The following SCAI variants were observed in gnomAD, a reference collection of about 807,000 sequenced individuals.
SCAI encodes the protein protein SCAI.
A neutral mutation model predicts 92.2 loss-of-function variants in SCAI; 24 were observed. That is an observed-to-expected ratio of 0.26 (90% CI 0.19 to 0.37). The LOEUF is 0.37. Among genes scored for constraint, SCAI ranks in the 10% least tolerant of loss-of-function variants. The probability of loss-of-function intolerance (pLI) is 1.00; values close to 1 mark genes in which losing one functional copy is unlikely to be tolerated. For synonymous variants in SCAI, 261 were observed against 258.6 expected, an observed-to-expected ratio of 1.01 and a Z score of -0.09; for missense variants, 450 against 736.2, an observed-to-expected ratio of 0.61 and a Z score of 4.50.
chr9:124,999,110 C>T (rs1832304562), intron 13 of SCAI, among the ~76,000 whole-genome samples: 2 of 151,334 alleles, frequency 1.3e-5, no homozygotes, highest in East Asian at 2.0e-4. Flanking sequence ...AAAATGTGGC[C>T]GGGCACGGTG....
intron 9 of SCAI, among the ~76,000 whole-genome samples, chr9:125,016,177 TAATAAAATAA>T (rs71374218): frequency 3.4e-4 from 27 of 79,236 alleles, no homozygotes; most frequent in South Asian, 1.3e-3. Context: ...ACTTAAAGTA[TAATAAAATAA>T]AATAAAATAA....
chr9:125,106,104 A>C lies in SCAI; in HGVS notation c.98+36529T>G, dbSNP rs1252358725. On this transcript the variant is annotated intron_variant, in intron 2 of 17. Coordinates refer to ENST00000336505, the MANE Select transcript of SCAI (RefSeq NM_001144877.3). Reference sequence around the variant, plus strand: ...AGAGTGAGACTCCATCTCAAAAAAAAAAAAAAAAAAAAAAAAAAATATATA... The same window carrying C: ...AGAGTGAGACTCCATCTCAAAAAAACAAAAAAAAAAAAAAAAAAATATATA... Among the ~76,000 whole-genome samples, 24 of 39,734 alleles carry C rather than the reference A, an allele frequency of 6.0e-4. 2 individuals carry two copies. The highest frequency in any genetic ancestry group is 9.8e-4 in the Non-Finnish European group (19 of 19,298). 26.1% of individuals were successfully genotyped at this position (39,734 alleles called of 152,430 possible). A position where few individuals can be genotyped will look rare whatever the true frequency, so the allele number is the denominator to read the frequency against.
intron 3 of SCAI, among the ~76,000 whole-genome samples, chr9:125,030,321 T>C (rs1446322922): frequency 6.6e-6 from 1 of 152,230 alleles, no homozygotes; most frequent in African/African-American, 2.4e-5. Context: ...ATTTATATCA[T>C]ATCTTAGGAG....
intron 2 of SCAI, among the ~76,000 whole-genome samples, chr9:125,114,431 G>C (rs1834995205): frequency 6.6e-6 from 1 of 151,920 alleles, no homozygotes; most frequent in Non-Finnish European, 1.5e-5. Flanking sequence ...TAGTATAATG[G>C]CTAAATTTTT....
At chr9:125,027,875 C>G (rs1221141008) in intron 5 of SCAI, among the ~76,000 whole-genome samples, 2 of 152,160 alleles carry the variant, frequency 1.3e-5, no homozygotes, top group African/African-American at 4.8e-5. Context: ...CTGATTATCA[C>G]TTCAGGATGA....
At chr9:125,054,176 T>C (rs1833618455) in intron 3 of SCAI, among the ~76,000 whole-genome samples, 1 of 152,138 alleles carries the variant, frequency 6.6e-6, no homozygotes, top group African/African-American at 2.4e-5. Flanking sequence ...GGTTTCACCA[T>C]GTTGCCCAGG....
At chr9:125,112,965 C>T (rs1341795971) in intron 2 of SCAI, among the ~76,000 whole-genome samples, 1 of 152,158 alleles carries the variant, frequency 6.6e-6, no homozygotes, top group Non-Finnish European at 1.5e-5. Context: ...TAAACCAAAG[C>T]ATGAAACAAA....
At chr9:125,081,001 C>T (rs942485434) in intron 2 of SCAI, among the ~76,000 whole-genome samples, 2 of 152,262 alleles carry the variant, frequency 1.3e-5, no homozygotes, top group African/African-American at 4.8e-5. Flanking sequence ...TCTTTGCCTG[C>T]TGCCATCCAT....
intron 3 of SCAI, among the ~76,000 whole-genome samples, chr9:125,043,419 C>T (rs1361800907): frequency 6.6e-6 from 1 of 152,180 alleles, no homozygotes; most frequent in African/African-American, 2.4e-5. Flanking sequence ...TTGTTTAGCA[C>T]CAGTATTTGC....
At chr9:125,064,651 G>A (rs916889916) in intron 2 of SCAI, among the ~76,000 whole-genome samples, 4 of 152,042 alleles carry the variant, frequency 2.6e-5, no homozygotes, top group African/African-American at 4.8e-5. Context: ...TTCAAGACCA[G>A]ACTGGCCAAC....
At chr9:125,016,460 G>A (rs1243171856) in intron 9 of SCAI, among the ~76,000 whole-genome samples, 2 of 151,100 alleles carry the variant, frequency 1.3e-5, no homozygotes, top group African/African-American at 4.9e-5. Flanking sequence ...TTCAAAATAG[G>A]AAGAAGGAAA....
rs1283902258 is a variant in SCAI, at chr9:124,944,407, C to T, written c.*8400G>A. ...TCCGCCTCCCAGGTTACAAGCAGTT[C>T]TCCTGCCTCAGCCTCCCAAGTAGCT... On this transcript the variant is annotated 3_prime_UTR_variant, in exon 18 of 18. Coordinates refer to ENST00000336505, the MANE Select transcript of SCAI (RefSeq NM_001144877.3). The T allele has an allele frequency of 6.9e-6, 1 of 145,518 alleles. No homozygotes were observed. The highest frequency in any genetic ancestry group is 1.5e-5 in the Non-Finnish European group (1 of 67,352). 9.0% of individuals were successfully genotyped at this position (145,518 alleles called of 1,614,324 possible).
chr9:124,952,915 T>G lies in SCAI; in HGVS notation c.1713A>C (p.Pro571=). 2 of 1,613,714 alleles carry G rather than the reference T, an allele frequency of 1.2e-6. No individual in the cohort carries two copies. The highest frequency in any genetic ancestry group is 1.7e-6 in the Non-Finnish European group (2 of 1,179,788). ...GAGGATTCTCCACTGTTTCATCCCT[T>G]GGCAGTTGTGGATATGATTCTGGAT... ...RNYPESYPQL[P]RDETVENPHL... is the part of the protein sequence containing the mutation. Residue 571 remains proline, a synonymous_variant, in exon 18 of 18, where the codon CCA becomes CCC. Transcript: ENST00000336505.
intron 3 of SCAI, among the ~76,000 whole-genome samples, chr9:125,038,100 T>G (rs550983751): frequency 1.8e-4 from 27 of 151,906 alleles, no homozygotes; most frequent in Admixed American, 3.3e-4. Context: ...TACAAAAAAA[T>G]ACACAAATTA....
intron 2 of SCAI, among the ~76,000 whole-genome samples, chr9:125,093,484 G>T (rs1181419642): frequency 6.6e-6 from 1 of 152,028 alleles, no homozygotes; most frequent in Non-Finnish European, 1.5e-5. Flanking sequence ...AAATCTCTGA[G>T]ATGTTCTCTT....
intron 2 of SCAI, among the ~76,000 whole-genome samples, chr9:125,094,974 C>T (rs1834514729): frequency 6.6e-6 from 1 of 152,112 alleles, no homozygotes; most frequent in Non-Finnish European, 1.5e-5. Context: ...AAAATAGATA[C>T]ATAAAATGTA....
rs1831079819 is a variant in SCAI, at chr9:124,942,820, A to C, written c.*9987T>G. 6.6e-6 allele frequency: 1 copy of C among 152,218 alleles called. No individual in the cohort carries two copies. The allele number at this position is 152,218 out of a possible 1,614,324, so 9.4% of individuals were successfully genotyped here. On this transcript the variant is annotated 3_prime_UTR_variant, in exon 18 of 18. Coordinates refer to ENST00000336505, the MANE Select transcript of SCAI (RefSeq NM_001144877.3). Reference sequence around the variant, plus strand: ...TCAATAAACATCAAAACAACGTTTCAGTTTTCATCCTCTAGTACTGAAGTG... The same window carrying C: ...TCAATAAACATCAAAACAACGTTTCCGTTTTCATCCTCTAGTACTGAAGTG...
chr9:125,013,635 T>C (rs1433394914), intron 9 of SCAI, among the ~76,000 whole-genome samples: 1 of 152,148 alleles, frequency 6.6e-6, no homozygotes, highest in African/African-American at 2.4e-5. Context: ...TCTGAAACTA[T>C]TCCAATCAAT....
chr9:124,992,988 C>T (rs1007833664), intron 14 of SCAI, among the ~76,000 whole-genome samples: 3 of 152,112 alleles, frequency 2.0e-5, no homozygotes, highest in African/African-American at 7.2e-5. Context: ...AAGTGGTATC[C>T]AATAATGCCC....
Sources: allele counts gnomAD v4.1 joint callset (sites outside exome capture counted in the v4.1 genomes callset), GRCh38; gene constraint gnomAD v4.1.1; transcripts MANE v1.5; gene names NCBI Gene and HGNC (gene_info 2026-07-23, HGNC 2026-07-21).